The following ROR1 variants were observed in gnomAD, a reference collection of about 807,000 sequenced individuals.
ROR1 encodes ROR family WNT receptor 1.
Under a neutral mutation model 78.8 loss-of-function variants are expected in ROR1, and 19 were observed. That is an observed-to-expected ratio of 0.24 (90% CI 0.17 to 0.35). The LOEUF is 0.35. ROR1 is among the 10% of genes least tolerant of loss of function. ROR1 has a pLI of 1.00. For synonymous variants in ROR1, 386 were observed against 433.6 expected (o/e 0.89, Z 1.36); for missense variants, 917 against 1,177.8 (o/e 0.78, Z 3.24).
At chr1:63,925,151 T>A (rs1302855451) in intron 1 of ROR1, among the ~76,000 whole-genome samples, 1 of 148,884 alleles carries the variant, frequency 6.7e-6, no homozygotes, top group African/African-American at 2.5e-5. Flanking sequence ...CTCCCAATGC[T>A]ATCCCTCCCC....
At chr1:64,085,015 A>G (rs1210583856) in intron 4 of ROR1, among the ~76,000 whole-genome samples, 1 of 152,240 alleles carries the variant, frequency 6.6e-6, no homozygotes, top group Admixed American at 6.5e-5. Context: ...TAATTCTACA[A>G]GCAGTCTTGG....
At chr1:63,915,873 G>T (rs914992146) in intron 1 of ROR1, among the ~76,000 whole-genome samples, 5 of 152,040 alleles carry the variant, frequency 3.3e-5, no homozygotes, top group African/African-American at 1.2e-4. Context: ...GTCCTACCCA[G>T]GGAATAATTC....
chr1:63,892,250 G>C (rs1384132666), intron 1 of ROR1, among the ~76,000 whole-genome samples: 1 of 152,206 alleles, frequency 6.6e-6, no homozygotes, highest in Non-Finnish European at 1.5e-5. Context: ...ATGGTGCAAA[G>C]ATAGATGTGT....
chr1:64,160,585 G>A (rs1171419454), intron 8 of ROR1, among the ~76,000 whole-genome samples: 3 of 152,068 alleles, frequency 2.0e-5, no homozygotes, highest in African/African-American at 7.2e-5. Flanking sequence ...CTAGCTAGCT[G>A]ATTTACATAT....
intron 4 of ROR1, among the ~76,000 whole-genome samples, chr1:64,055,073 A>C (rs534923350): frequency 6.6e-6 from 1 of 152,270 alleles, no homozygotes; most frequent in Non-Finnish European, 1.5e-5. Flanking sequence ...CTCTGTAAAG[A>C]CCTATTTCCA....
intron 8 of ROR1, among the ~76,000 whole-genome samples, chr1:64,174,123 A>G (rs1387975851): frequency 1.3e-5 from 2 of 152,218 alleles, no homozygotes; most frequent in East Asian, 3.8e-4. Flanking sequence ...AATAAGGATA[A>G]TAAGAATGAT....
chr1:64,107,136 T>C (rs947436679), intron 4 of ROR1: 7 of 152,244 alleles, frequency 4.6e-5, no homozygotes, highest in African/African-American at 1.7e-4. Flanking sequence ...ATGTGTGTTA[T>C]GTACTGGGCG....
intron 1 of ROR1, among the ~76,000 whole-genome samples, chr1:63,949,187 C>T (rs1645914172): frequency 6.6e-6 from 1 of 151,978 alleles, no homozygotes; most frequent in African/African-American, 2.4e-5. Flanking sequence ...TAGGGCAAGT[C>T]GGGGACATGG....
chr1:63,945,690 T>C (rs1645881689), intron 1 of ROR1, among the ~76,000 whole-genome samples: 1 of 152,222 alleles, frequency 6.6e-6, no homozygotes, highest in Non-Finnish European at 1.5e-5. Context: ...TTGGGTGACT[T>C]AGAGCCTTGC....
chr1:64,007,011 G>A (rs1234426256), intron 1 of ROR1, among the ~76,000 whole-genome samples: 3 of 151,956 alleles, frequency 2.0e-5, no homozygotes, highest in South Asian at 4.2e-4. Flanking sequence ...CTGTGAAAAG[G>A]TGAGGCCAGA....
chr1:64,032,915 G>C (rs1646673198), intron 2 of ROR1, among the ~76,000 whole-genome samples: 1 of 152,148 alleles, frequency 6.6e-6, no homozygotes, highest in African/African-American at 2.4e-5. Context: ...ACCTAGAGTA[G>C]TGAAATTGAT....
chr1:64,023,653 G>T (rs116145656), intron 2 of ROR1, among the ~76,000 whole-genome samples: 4 of 152,140 alleles, frequency 2.6e-5, no homozygotes, highest in African/African-American at 9.7e-5. Flanking sequence ...GATACTGTTT[G>T]TCTTTTTAAT....
chr1:64,006,559 C>G (rs1419075686), intron 1 of ROR1, among the ~76,000 whole-genome samples: 1 of 152,174 alleles, frequency 6.6e-6, no homozygotes, highest in Non-Finnish European at 1.5e-5. Context: ...ATAACAGAAG[C>G]ACTGCTTTCC....
chr1:63,869,138 A>G (rs546522947), intron 1 of ROR1, among the ~76,000 whole-genome samples: 1 of 152,264 alleles, frequency 6.6e-6, no homozygotes, highest in South Asian at 2.1e-4. Flanking sequence ...TGTTTTAGAG[A>G]AGGTATCTGG....
At chr1:64,137,346 T>C (rs1407407546) in intron 4 of ROR1, 23 bp from the exon 5 acceptor site, 6 of 1,613,504 alleles carry the variant, frequency 3.7e-6, no homozygotes, top group South Asian at 1.1e-5. Flanking sequence ...CATCAGCTAA[T>C]GTCTGTCTAT....
rs74712656 is a variant in ROR1 at position 63,832,725 on chromosome 1, A to G, written c.91+58217A>G. 6.7e-4 allele frequency among the ~76,000 whole-genome samples: 102 copies of G among 152,370 alleles called. No individual in the cohort carries two copies. In the East Asian group the frequency reaches 0.013, roughly 20 times the overall value. On this transcript the variant is annotated intron_variant, in intron 1 of 8. Transcript: ENST00000371079. ...TCAAAGCTGATTGATGTATTCAGAA[A>G]AATTTGAGAATAATGCAAATTTTAT... is the stretch of plus-strand genomic sequence containing the variant.
intron 7 of ROR1, among the ~76,000 whole-genome samples, chr1:64,145,297 G>A (rs1431622658): frequency 1.3e-5 from 2 of 152,008 alleles, no homozygotes; most frequent in Non-Finnish European, 2.9e-5. Context: ...AACAAAGAAG[G>A]GGAAGGGCTT....
At chr1:63,801,481 G>A (rs527780322) in intron 1 of ROR1, among the ~76,000 whole-genome samples, 20 of 152,070 alleles carry the variant, frequency 1.3e-4, no homozygotes, top group African/African-American at 4.8e-4. Flanking sequence ...TTTTAGTAAA[G>A]ACGGGGTTTC....
intron 4 of ROR1, among the ~76,000 whole-genome samples, chr1:64,117,467 T>TA (rs1253558752): frequency 6.6e-6 from 1 of 152,178 alleles, no homozygotes; most frequent in East Asian, 1.9e-4. Flanking sequence ...GGAAGAATGA[T>TA]AAAAATCACA....
Sources: gnomAD v4.1 joint callset for allele counts (sites outside exome capture counted in the v4.1 genomes callset) on GRCh38, gnomAD v4.1.1 for gene constraint, MANE v1.5 for transcripts, NCBI Gene and HGNC (gene_info 2026-07-23, HGNC 2026-07-21) for gene names.